The following SUZ12 variants were observed in gnomAD, a reference collection of about 807,000 sequenced individuals.
SUZ12 encodes SUZ12 polycomb repressive complex 2 subunit.
Under a neutral mutation model 87.3 loss-of-function variants are expected in SUZ12, and 17 were observed. The observed-to-expected ratio is 0.19, with a 90% CI of 0.13 to 0.29. The LOEUF is 0.29. SUZ12 is among the 10% of genes least tolerant of loss of function. The pLI is 1.00. For missense variants in SUZ12, 526 were observed against 912.2 expected, an observed-to-expected ratio of 0.58 and a Z score of 5.45; for synonymous variants, 253 against 312.4, an observed-to-expected ratio of 0.81 and a Z score of 2.01.
At chr17:31,994,281 ACT>A in intron 12 of SUZ12, 1 of 437,426 alleles carries the variant, frequency 2.3e-6, no homozygotes, top group Non-Finnish European at 4.0e-6. Context: ...TCTCTAATTG[ACT>A]CACAAAATCC....
intron 9 of SUZ12, among the ~76,000 whole-genome samples, chr17:31,986,680 T>A (rs1163205929): frequency 6.6e-6 from 1 of 152,132 alleles, no homozygotes; most frequent in Admixed American, 6.5e-5. Flanking sequence ...GCCTCCCAAG[T>A]AGCTGGGATT....
In SUZ12 at chr17:31,998,794, A is replaced by G. The variant is rs1378085710; in HGVS notation, c.2011A>G (p.Ile671Val). Residue 671 changes from isoleucine to valine, a missense_variant, in exon 16 of 16, where the codon ATA (isoleucine) becomes GTA (valine). Ile to Val is a conservative substitution (Grantham distance 29, BLOSUM62 3). Around this residue, in one of 9 missense-constraint regions of SUZ12, gnomAD observed 143 missense variants for 321.6 expected, o/e 0.44. Transcript: ENST00000322652. ...VSMHDFNLIS[I>V]MSIDKAVTKL... ...CATGCATGACTTTAATCTTATTAGC[A>G]TAATGTCAATAGATAAAGCTGTTAC... is the stretch of plus-strand genomic sequence containing the variant. The G allele has an allele frequency of 6.2e-6, 10 of 1,613,384 alleles. No homozygotes were observed. Among genetic ancestry groups the G allele is most frequent in the South Asian group, 1.1e-5 (1 of 90,920 alleles).
chr17:31,960,838 A>G (rs1907667121), intron 4 of SUZ12, among the ~76,000 whole-genome samples: 1 of 152,088 alleles, frequency 6.6e-6, no homozygotes, highest in Non-Finnish European at 1.5e-5. Flanking sequence ...CCTCCTTCCC[A>G]AAGTGCTGGG....
At chr17:31,980,812 A>G (rs960997662) in intron 8 of SUZ12, among the ~76,000 whole-genome samples, 13 of 152,096 alleles carry the variant, frequency 8.5e-5, no homozygotes, top group African/African-American at 3.1e-4. Context: ...CTGATTCCTT[A>G]TAGAAGAATA....
intron 4 of SUZ12, among the ~76,000 whole-genome samples, chr17:31,957,995 C>T (rs558332658): frequency 1.7e-4 from 26 of 150,390 alleles, no homozygotes; most frequent in African/African-American, 5.9e-4. Context: ...TTCTGCCTCC[C>T]GGGTTCATGC....
chr17:31,998,382 T>C (rs1910095238), intron 15 of SUZ12, among the ~76,000 whole-genome samples: 1 of 152,164 alleles, frequency 6.6e-6, no homozygotes, highest in Non-Finnish European at 1.5e-5. Context: ...CCAAATATTT[T>C]ATGCTTTTAA....
At chr17:31,961,179 C>T (rs1419696983) in intron 4 of SUZ12, among the ~76,000 whole-genome samples, 1 of 151,980 alleles carries the variant, frequency 6.6e-6, no homozygotes, top group Non-Finnish European at 1.5e-5. Context: ...CGCCATTGAA[C>T]TCCAGCCTGG....
At position 31,972,240 on chromosome 17, in the gene SUZ12, G is replaced by A. The variant is rs182844162; in HGVS notation, c.506-906G>A. Among the ~76,000 whole-genome samples, 332 of 151,916 alleles carry A rather than the reference G, an allele frequency of 2.2e-3. 1 individual carries two copies. The highest frequency in any genetic ancestry group is 7.3e-3 in the African/African-American group (301 of 41,406). Reference sequence around the variant, plus strand: ...GCAGAAGTTGCAGTGAACCAAGATCGCCCTACTGCACTCCAACCTGGTTGA... The same window carrying A: ...GCAGAAGTTGCAGTGAACCAAGATCACCCTACTGCACTCCAACCTGGTTGA... On this transcript the variant is annotated intron_variant, in intron 5 of 15. Transcript: ENST00000322652.
chr17:31,956,292 C>G (rs1172233297), intron 4 of SUZ12, among the ~76,000 whole-genome samples: 1 of 152,068 alleles, frequency 6.6e-6, no homozygotes, highest in Non-Finnish European at 1.5e-5. Flanking sequence ...CTCCTGGGTT[C>G]AAGCAATTTT....
At chr17:31,955,612 G>A (rs1273685060) in intron 4 of SUZ12, among the ~76,000 whole-genome samples, 1 of 152,042 alleles carries the variant, frequency 6.6e-6, no homozygotes, top group Non-Finnish European at 1.5e-5. Context: ...GCTGGGCAGA[G>A]TGTCGTGCAC....
rs563665365 is a variant in SUZ12, at chr17:31,979,090, G to A, written c.917+2476G>A. 3.4e-4 allele frequency among the ~76,000 whole-genome samples: 41 copies of A among 122,212 alleles called. No homozygotes were observed. The South Asian group carries it at 0.011, about 33-fold the overall frequency. 80.2% of individuals were successfully genotyped at this position (122,212 alleles called of 152,430 possible). Reference sequence around the variant, plus strand: ...CGCTGCACTCCAGCCTGGTGACAGCGAGACTGTGTCTCCAAAAAAAAAAAA... The same window carrying A: ...CGCTGCACTCCAGCCTGGTGACAGCAAGACTGTGTCTCCAAAAAAAAAAAA... On this transcript the variant is annotated intron_variant, in intron 8 of 15. Transcript: ENST00000322652.
At position 31,940,035 on chromosome 17, in the gene SUZ12, G is replaced by C. The variant is rs187554389; in HGVS notation, c.275-251G>C. 1.5e-4 allele frequency among the ~76,000 whole-genome samples: 23 copies of C among 152,232 alleles called. No homozygotes were observed. In the East Asian group the frequency reaches 3.9e-3, roughly 26 times the overall value. ...CGGTAACAATAACTATCTTAGAAAGGCTTAAGAAAAATATTGTAGAGAACC... is the reference window on the plus strand; with the variant it reads ...CGGTAACAATAACTATCTTAGAAAGCCTTAAGAAAAATATTGTAGAGAACC... On this transcript the variant is annotated intron_variant, in intron 1 of 15. Transcript: ENST00000322652.
intron 4 of SUZ12, among the ~76,000 whole-genome samples, chr17:31,958,502 G>A (rs1441238761): frequency 6.6e-6 from 1 of 151,950 alleles, no homozygotes; most frequent in Non-Finnish European, 1.5e-5. Flanking sequence ...TTGAGGTGAA[G>A]AGTTCAAGAG....
chr17:31,940,173 G>A (rs1906188162), intron 1 of SUZ12, 113 bp from the exon 2 acceptor site: 4 of 1,346,392 alleles, frequency 3.0e-6, no homozygotes, highest in Admixed American at 2.5e-5. Flanking sequence ...TATAAATAGT[G>A]CGTGATTTCC....
In SUZ12 at chr17:31,996,891, A is replaced by G; in HGVS notation, c.1874+14A>G. 1.4e-6 allele frequency: 2 copies of G among 1,394,654 alleles called. No individual in the cohort carries two copies. The highest frequency in any genetic ancestry group is 1.9e-6 in the Non-Finnish European group (2 of 1,052,218). The allele number at this position is 1,394,654 out of a possible 1,614,324, so 86.4% of individuals were successfully genotyped here. On this transcript the variant is annotated intron_variant, in intron 15 of 15. Transcript: ENST00000322652. ...CATGAAGCATGGGTAGGGTATTTCT[A>G]AATTAATTTAAATATTTTATTATTC... is the stretch of plus-strand genomic sequence containing the variant.
At chr17:31,983,132 G>A (rs775940093) in intron 9 of SUZ12, 28 bp downstream of exon 9, 117 of 1,596,978 alleles carry the variant, frequency 7.3e-5, no homozygotes, top group Admixed American at 1.6e-4. Context: ...GGTTGAGCAC[G>A]TTATAGTTAT....
At chr17:31,975,111 C>T (rs530442298) in intron 6 of SUZ12, among the ~76,000 whole-genome samples, 3 of 152,154 alleles carry the variant, frequency 2.0e-5, no homozygotes, top group East Asian at 1.9e-4. Context: ...GATAAAAGTA[C>T]ATGAGTTTAA....
intron 4 of SUZ12, among the ~76,000 whole-genome samples, chr17:31,951,888 C>A (rs973898585): frequency 6.6e-6 from 1 of 151,502 alleles, no homozygotes; most frequent in African/African-American, 2.4e-5. Context: ...GATTCTCCTG[C>A]CGCAGCCTCC....
chr17:31,983,274 CTTTTTTTTTTTTTT>C (rs10681815), intron 9 of SUZ12, among the ~76,000 whole-genome samples, 170 bp downstream of exon 9: 1 of 118,200 alleles, frequency 8.5e-6, no homozygotes, highest in Non-Finnish European at 1.7e-5. Flanking sequence ...AGGTATCATT[CTTTTTTTTTTTTTT>C]TTTTTGAGGG....
Sources: gnomAD v4.1 joint callset for allele counts (sites outside exome capture counted in the v4.1 genomes callset) on GRCh38, gnomAD v4.1.1 for gene constraint, gnomAD v4.1.1 regional missense constraint, MANE v1.5 for transcripts, NCBI Gene and HGNC (gene_info 2026-07-23, HGNC 2026-07-21) for gene names.